The following CHST8 variants were observed in gnomAD, a reference collection of about 807,000 sequenced individuals.
The protein encoded by CHST8 is carbohydrate sulfotransferase 8, also known as GALNAC-4-ST1.
In CHST8, 10 loss-of-function variants were observed where a neutral mutation model predicts 15.0. The ratio of observed to expected loss-of-function variants is 0.67; its 90% CI spans 0.41 to 1.13. The LOEUF (loss-of-function observed/expected upper bound fraction) is 1.13, where lower values mean the gene tolerates loss of function less well. CHST8 is among the 50% of genes most tolerant of loss of function. CHST8 has a pLI of 0.00. For synonymous variants in CHST8, 259 were observed against 256.6 expected, an observed-to-expected ratio of 1.01 and a Z score of -0.09; for missense variants, 634 against 608.2, an observed-to-expected ratio of 1.04 and a Z score of -0.45.
chr19:33,642,800 G>A (rs1325190938), intron 1 of CHST8, among the ~76,000 whole-genome samples: 6 of 152,180 alleles, frequency 3.9e-5, no homozygotes, highest in South Asian at 2.1e-4. Flanking sequence ...CGTCTCTATC[G>A]CTTTATATAC....
At chr19:33,733,940 C>T (rs982697370) in intron 3 of CHST8, among the ~76,000 whole-genome samples, 1 of 152,208 alleles carries the variant, frequency 6.6e-6, no homozygotes, top group Non-Finnish European at 1.5e-5. Flanking sequence ...TGAGGCAAGC[C>T]TCCTCTCCCT....
At chr19:33,692,012 C>T (rs1211063682) in intron 3 of CHST8, among the ~76,000 whole-genome samples, 3 of 152,100 alleles carry the variant, frequency 2.0e-5, no homozygotes, top group Non-Finnish European at 2.9e-5. Context: ...GCCTCATTCA[C>T]GTCCCTCCCA....
chr19:33,628,468 G>C (rs1035654515), intron 1 of CHST8, among the ~76,000 whole-genome samples: 5 of 152,234 alleles, frequency 3.3e-5, no homozygotes, highest in Admixed American at 3.3e-4. Flanking sequence ...CTTCCCCTCA[G>C]ACATTGGTCT....
At position 33,743,296 on chromosome 19, in the gene CHST8, C is replaced by CTTTTTT. The variant is rs916165328; in HGVS notation, c.131-28099_131-28094dup. ...TCCTGCACTATCTACCACAGCAATT[C>CTTTTTT]TTTTTTTTTTTTTTTTTTTTTTTGA... On this transcript the variant is annotated intron_variant, in intron 3 of 4. Transcript: ENST00000650847. Among the ~76,000 whole-genome samples, 29 of 98,228 alleles carry CTTTTTT rather than the reference C, an allele frequency of 3.0e-4. 1 individual carries two copies. The highest frequency in any genetic ancestry group is 3.2e-4 in the African/African-American group (8 of 24,860). 64.4% of individuals were successfully genotyped at this position (98,228 alleles called of 152,430 possible). A position where few individuals can be genotyped will look rare whatever the true frequency, so the allele number is the denominator to read the frequency against.
At chr19:33,710,932 G>A (rs180968651) in intron 3 of CHST8, among the ~76,000 whole-genome samples, 17 of 151,428 alleles carry the variant, frequency 1.1e-4, no homozygotes, top group African/African-American at 4.1e-4. Flanking sequence ...GGAGTGCAGA[G>A]GTATGATCAT....
intron 1 of CHST8, among the ~76,000 whole-genome samples, chr19:33,637,404 CTTTTT>C (rs35709907): frequency 7.5e-6 from 1 of 133,842 alleles, no homozygotes; most frequent in Non-Finnish European, 1.6e-5. Context: ...GGTTCGCTTT[CTTTTT>C]TTTTTTTTTT....
intron 4 of CHST8, 138 bp from the exon 5 acceptor site, chr19:33,771,819 G>C (rs995924717): frequency 1.3e-5 from 13 of 1,026,942 alleles, no homozygotes; most frequent in Non-Finnish European, 1.7e-5. Context: ...AGACCGGAGG[G>C]GTCTCACCTA....
chr19:33,641,957 A>G (rs1972289819), intron 1 of CHST8, among the ~76,000 whole-genome samples: 1 of 152,206 alleles, frequency 6.6e-6, no homozygotes, highest in Non-Finnish European at 1.5e-5. Context: ...ATATGTCTGT[A>G]TATTACTTTG....
intron 1 of CHST8, among the ~76,000 whole-genome samples, chr19:33,652,339 T>G (rs904640352): frequency 6.6e-6 from 1 of 151,894 alleles, no homozygotes; most frequent in East Asian, 1.9e-4. Flanking sequence ...TTCTTTTTTT[T>G]TGTGGTTACT....
chr19:33,704,489 G>A (rs1273363637), intron 3 of CHST8, among the ~76,000 whole-genome samples: 1 of 152,230 alleles, frequency 6.6e-6, no homozygotes, highest in African/African-American at 2.4e-5. Flanking sequence ...GGGGTGAGGG[G>A]GAAGTGGACA....
chr19:33,726,027 G>A (rs947618792), intron 3 of CHST8, among the ~76,000 whole-genome samples: 1 of 152,210 alleles, frequency 6.6e-6, no homozygotes, highest in Non-Finnish European at 1.5e-5. Flanking sequence ...GCTGCAGCAG[G>A]GGCTTCTTGC....
At chr19:33,725,438 C>G (rs572388404) in intron 3 of CHST8, among the ~76,000 whole-genome samples, 1 of 152,290 alleles carries the variant, frequency 6.6e-6, no homozygotes, top group South Asian at 2.1e-4. Context: ...TCTCCTGGTC[C>G]CTGCAGTGGC....
At chr19:33,762,055 A>G (rs56063475) in intron 3 of CHST8, among the ~76,000 whole-genome samples, 14,079 of 152,268 alleles carry the variant, frequency 0.092, 850 homozygotes, top group Non-Finnish European at 0.14. Context: ...TTTCCTCGGC[A>G]TGCCTGGTGT....
At chr19:33,690,834 C>T (rs922356619) in intron 3 of CHST8, among the ~76,000 whole-genome samples, 1 of 152,238 alleles carries the variant, frequency 6.6e-6, no homozygotes, top group Non-Finnish European at 1.5e-5. Flanking sequence ...CCAGGGCAGA[C>T]AGCGAGCTGG....
chr19:33,711,421 A>T (rs1371299800), intron 3 of CHST8, among the ~76,000 whole-genome samples: 2 of 152,174 alleles, frequency 1.3e-5, no homozygotes, highest in African/African-American at 4.8e-5. Flanking sequence ...ATGTTGGGAC[A>T]ATCCTAGTTT....
intron 3 of CHST8, among the ~76,000 whole-genome samples, chr19:33,724,121 G>T (rs1973849575): frequency 6.6e-6 from 1 of 152,170 alleles, no homozygotes; most frequent in African/African-American, 2.4e-5. Flanking sequence ...GGCCCCACAT[G>T]GGTGCTGTGC....
chr19:33,708,534 C>T (rs572731781), intron 3 of CHST8, among the ~76,000 whole-genome samples: 1 of 152,260 alleles, frequency 6.6e-6, no homozygotes, highest in Admixed American at 6.5e-5. Flanking sequence ...ATAAATTGAC[C>T]ATAAATTTAA....
At chr19:33,765,951 A>ATTAGT (rs945084732) in intron 3 of CHST8, among the ~76,000 whole-genome samples, 2 of 152,050 alleles carry the variant, frequency 1.3e-5, no homozygotes, top group Non-Finnish European at 2.9e-5. Context: ...GCTTCATCCA[A>ATTAGT]TTAGTTGTAG....
At chr19:33,758,416 T>C (rs1349737088) in intron 3 of CHST8, among the ~76,000 whole-genome samples, 1 of 152,098 alleles carries the variant, frequency 6.6e-6, no homozygotes, top group Non-Finnish European at 1.5e-5. Context: ...GGAGCCCCAC[T>C]CTCCCCAGGG....
Sources: gnomAD v4.1 joint callset for allele counts (sites outside exome capture counted in the v4.1 genomes callset) on GRCh38, gnomAD v4.1.1 for gene constraint, MANE v1.5 for transcripts, NCBI Gene and HGNC (gene_info 2026-07-23, HGNC 2026-07-21) for gene names.